TP63: variants seen among roughly 807,000 people sequenced by gnomAD.
TP63 encodes the protein tumor protein 63.
A neutral mutation model predicts 82.8 loss-of-function variants in TP63; 17 were observed. That is an observed-to-expected ratio of 0.21 (90% CI 0.14 to 0.31). The LOEUF is 0.31. Ranked by LOEUF, TP63 falls within the 10% of genes least tolerant of loss-of-function variation. TP63 has a pLI of 1.00. For synonymous variants in TP63, 330 were observed against 321.7 expected (o/e 1.03, Z -0.28); for missense variants, 648 against 895.3 (o/e 0.72, Z 3.52).
At chr3:189,891,820 C>T (rs1189630648) in intron 13 of TP63, among the ~76,000 whole-genome samples, 5 of 152,182 alleles carry the variant, frequency 3.3e-5, no homozygotes, top group African/African-American at 1.2e-4. Context: ...AGCCTCTCTT[C>T]TAGCTTCCAG....
At chr3:189,827,199 A>T in intron 4 of TP63, among the ~76,000 whole-genome samples, 1 of 152,204 alleles carries the variant, frequency 6.6e-6, no homozygotes. Context: ...CAAACTGATA[A>T]ACCTAGTTGT....
At chr3:189,758,708 G>A (rs1722361128) in intron 3 of TP63, among the ~76,000 whole-genome samples, 2 of 152,196 alleles carry the variant, frequency 1.3e-5, no homozygotes, top group Admixed American at 1.3e-4. Context: ...GCGGAGGCAA[G>A]AGTTGAGGTC....
the TP63 span, among the ~76,000 whole-genome samples, chr3:189,619,319 CT>C: frequency 1.8e-4 from 28 of 152,198 alleles, no homozygotes; most frequent in Non-Finnish European, 3.4e-4. Flanking sequence ...CTAGCTCTTA[CT>C]AGGAAAGGGT....
At chr3:189,756,106 A>G (rs966519871) in intron 3 of TP63, among the ~76,000 whole-genome samples, 2 of 152,136 alleles carry the variant, frequency 1.3e-5, no homozygotes, top group African/African-American at 4.8e-5. Flanking sequence ...AATGGACATA[A>G]TATTTTCCCC....
At chr3:189,817,310 AG>A (rs752176815) in intron 4 of TP63, among the ~76,000 whole-genome samples, 8 of 152,172 alleles carry the variant, frequency 5.3e-5, no homozygotes, top group Non-Finnish European at 8.8e-5. Flanking sequence ...TGATTACTTA[AG>A]GGTTCTCATT....
the TP63 span, among the ~76,000 whole-genome samples, chr3:189,619,701 C>T: frequency 6.6e-6 from 1 of 152,180 alleles, no homozygotes; most frequent in Non-Finnish European, 1.5e-5. Context: ...AGAACCATAT[C>T]TGTAGGCACT....
intron 1 of TP63, among the ~76,000 whole-genome samples, chr3:189,689,098 CTTTTTCTTTTTTTT>C (rs759753737): frequency 0.13 from 11,337 of 84,334 alleles, 1,314 homozygotes; most frequent in Middle Eastern, 0.3. Context: ...TCAAATCTAC[CTTTTTCTTTTTTTT>C]TTTTTTTTTT....
At chr3:189,891,979 A>C (rs748450805) in intron 13 of TP63, among the ~76,000 whole-genome samples, 11 of 152,148 alleles carry the variant, frequency 7.2e-5, no homozygotes, top group Non-Finnish European at 1.3e-4. Context: ...ACGTGTACAT[A>C]GTGTACTGCC....
intron 4 of TP63, among the ~76,000 whole-genome samples, chr3:189,810,007 T>C (rs1366476741): frequency 2.6e-5 from 4 of 152,190 alleles, no homozygotes. Context: ...CCCAAAATTG[T>C]CTAAAAATTA....
intron 1 of TP63, among the ~76,000 whole-genome samples, chr3:189,655,965 G>A (rs1713317166): frequency 6.6e-6 from 1 of 152,142 alleles, no homozygotes; most frequent in African/African-American, 2.4e-5. Flanking sequence ...CATTGACAGG[G>A]ACTCATTGCT....
In TP63 at chr3:189,762,926, G is replaced by C. The variant is rs139225187; in HGVS notation, c.324+24152G>C. Among the ~76,000 whole-genome samples the C allele has an allele frequency of 7.5e-4, 114 of 152,274 alleles. 1 individual carries two copies. Among genetic ancestry groups the C allele is most frequent in the African/African-American group, 2.6e-3 (108 of 41,554 alleles). On this transcript the variant is annotated intron_variant, in intron 3 of 13. Transcript: ENST00000264731. ...GAAATATTGAGGGATCGATAGAAAA[G>C]ACAATAAATGGGCATCCATCATTGA...
intron 1 of TP63, among the ~76,000 whole-genome samples, chr3:189,693,991 T>A (rs1717149038): frequency 6.6e-6 from 1 of 152,212 alleles, no homozygotes; most frequent in Non-Finnish European, 1.5e-5. Flanking sequence ...TCAAAAGATG[T>A]ACATGAAATT....
chr3:189,770,527 T>C (rs1377029088), intron 3 of TP63, among the ~76,000 whole-genome samples: 6 of 151,154 alleles, frequency 4.0e-5, no homozygotes, highest in Admixed American at 1.3e-4. Context: ...ATCGTTCCAC[T>C]GCACTCCAGC....
At chr3:189,694,498 C>T (rs1717188395) in intron 1 of TP63, among the ~76,000 whole-genome samples, 3 of 152,198 alleles carry the variant, frequency 2.0e-5, no homozygotes, top group African/African-American at 7.2e-5. Context: ...GTAACCTTGA[C>T]TGTCTTAAGG....
intron 3 of TP63, among the ~76,000 whole-genome samples, chr3:189,770,345 G>A (rs1053842378): frequency 5.9e-5 from 9 of 152,078 alleles, no homozygotes; most frequent in Admixed American, 2.0e-4. Flanking sequence ...TTGGGAGGCC[G>A]AGGCAGGTGG....
chr3:189,644,910 TTC>T (rs1232722005), intron 1 of TP63, among the ~76,000 whole-genome samples: 1 of 133,890 alleles, frequency 7.5e-6, no homozygotes, highest in African/African-American at 2.7e-5. Flanking sequence ...ACACCACATT[TTC>T]TTTTTTTTTT....
Position 189,890,821 on chromosome 3 carries a change from T to G in TP63, c.1685T>G (p.Leu562Arg), listed in dbSNP as rs774221257. Residue 562 changes from leucine to arginine, a missense_variant, in exon 13 of 14, where the codon CTG (leucine) becomes CGG (arginine). Transcript: ENST00000264731. Reference sequence around the variant, plus strand: ...GCGAGGTTGGGCTGTTCATCATGTCTGGACTATTTCACGACCCAGGGGCTG... The same window carrying G: ...GCGAGGTTGGGCTGTTCATCATGTCGGGACTATTTCACGACCCAGGGGCTG... Reference protein sequence around the residue: ...FLARLGCSSCLDYFTTQGLTT... With the variant: ...FLARLGCSSCRDYFTTQGLTT... 6.2e-7 allele frequency: 1 copy of G among 1,614,154 alleles called. No individual in the cohort carries two copies. The highest frequency in any genetic ancestry group is 8.5e-7 in the Non-Finnish European group (1 of 1,179,996).
intron 4 of TP63, among the ~76,000 whole-genome samples, chr3:189,828,747 T>C (rs1440526171): frequency 2.0e-5 from 3 of 152,254 alleles, no homozygotes; most frequent in South Asian, 4.1e-4. Flanking sequence ...GCTTCAGTTT[T>C]CTTATCTGTA....
intron 4 of TP63, among the ~76,000 whole-genome samples, chr3:189,847,186 C>T (rs1339970068): frequency 1.3e-5 from 2 of 151,920 alleles, no homozygotes; most frequent in East Asian, 3.9e-4. Flanking sequence ...GGTGAAACCC[C>T]GTCTTTACCC....
Sources: gnomAD v4.1 joint callset for allele counts (sites outside exome capture counted in the v4.1 genomes callset) on GRCh38, gnomAD v4.1.1 for gene constraint, MANE v1.5 for transcripts, NCBI Gene and HGNC (gene_info 2026-07-23, HGNC 2026-07-21) for gene names.